The following PPFIBP1 variants were observed in gnomAD, a reference collection of about 807,000 sequenced individuals.
PPFIBP1 encodes PPFIB scaffold protein 1.
Under a neutral mutation model 137.8 loss-of-function variants are expected in PPFIBP1, and 112 were observed. The ratio of observed to expected loss-of-function variants is 0.81; its 90% CI spans 0.70 to 0.95. The LOEUF (loss-of-function observed/expected upper bound fraction) is 0.95, where lower values mean the gene tolerates loss of function less well. PPFIBP1 is among the 40% of genes least tolerant of loss of function. The pLI, the probability that PPFIBP1 is intolerant of heterozygous loss-of-function variation, is 0.00. For synonymous variants in PPFIBP1, 378 were observed against 417.3 expected (o/e 0.91, Z 1.15); for missense variants, 1,083 against 1,196.6 (o/e 0.91, Z 1.40).
At chr12:27,539,067 G>T (rs1211786055) in intron 1 of PPFIBP1, among the ~76,000 whole-genome samples, 1 of 152,222 alleles carries the variant, frequency 6.6e-6, no homozygotes, top group Non-Finnish European at 1.5e-5. Context: ...AGTATCAGTA[G>T]TGCTGAGGTT....
chr12:27,528,687 C>G (rs1944054494), intron 1 of PPFIBP1, among the ~76,000 whole-genome samples: 1 of 151,416 alleles, frequency 6.6e-6, no homozygotes, highest in Non-Finnish European at 1.5e-5. Flanking sequence ...TTTTTTTCCA[C>G]TTCAAAAAAA....
intron 4 of PPFIBP1, among the ~76,000 whole-genome samples, chr12:27,640,037 A>G (rs1160334349): frequency 6.6e-6 from 1 of 152,160 alleles, no homozygotes; most frequent in Non-Finnish European, 1.5e-5. Flanking sequence ...TGTGATCACA[A>G]TTATCTGAGT....
rs10677887 is a variant in PPFIBP1 at position 27,558,467 on chromosome 12, T to TACACACACACACAC, written c.-123-19670_-123-19657dup. Among the ~76,000 whole-genome samples the TACACACACACACAC allele has an allele frequency of 3.9e-4, 50 of 129,354 alleles. 1 individual carries two copies. Among genetic ancestry groups the TACACACACACACAC allele is most frequent in the South Asian group, 1.6e-3 (7 of 4,282 alleles). The allele number at this position is 129,354 out of a possible 152,430, so 84.9% of individuals were successfully genotyped here. ...CTATATGTAATTACACAGTATGTTA[T>TACACACACACACAC]ACACACACACACACACACACACACA... On this transcript the variant is annotated intron_variant, in intron 1 of 29. Coordinates refer to ENST00000228425, the MANE Select transcript of PPFIBP1 (RefSeq NM_003622.4).
intron 2 of PPFIBP1, among the ~76,000 whole-genome samples, chr12:27,623,879 A>G (rs2056568762): frequency 6.6e-6 from 1 of 152,142 alleles, no homozygotes; most frequent in Admixed American, 6.5e-5. Context: ...ATAGCTGCAC[A>G]CAGCAAGCAT....
At position 27,683,818 on chromosome 12, in the gene PPFIBP1, C is replaced by T. The variant is rs531749292; in HGVS notation, c.2247+1115C>T. Among the ~76,000 whole-genome samples the T allele has an allele frequency of 8.7e-4, 133 of 152,006 alleles. No homozygotes were observed. In the Middle Eastern group the frequency reaches 0.02, roughly 23 times the overall value. On this transcript the variant is annotated intron_variant, in intron 24 of 29. Transcript: ENST00000228425. The stretch of plus-strand genomic sequence containing the variant: ...TTTATTTTATTTTGAGACGGAGTCT[C>T]GCTCTGTCGCCCAGGCTGGAGTGCA...
rs1299450559 is a variant in PPFIBP1, at chr12:27,660,881, C to A, written c.845-3C>A. 2 of 1,613,026 alleles carry A rather than the reference C, an allele frequency of 1.2e-6. No homozygotes were observed. Among genetic ancestry groups the A allele is most frequent in the South Asian group, 2.2e-5 (2 of 90,914 alleles). Reference sequence around the variant, plus strand: ...CTGACTTCTGATTTGATGTTATTTTCAGACATCGAAGTACAAAAAATGAAA... The same window carrying A: ...CTGACTTCTGATTTGATGTTATTTTAAGACATCGAAGTACAAAAAATGAAA... On this transcript the variant is annotated splice_polypyrimidine_tract_variant and splice_region_variant and intron_variant, in intron 10 of 29. Coordinates refer to ENST00000228425, the MANE Select transcript of PPFIBP1 (RefSeq NM_003622.4).
chr12:27,692,960 C>T lies in PPFIBP1; in HGVS notation c.*78C>T. On this transcript the variant is annotated 3_prime_UTR_variant, in exon 30 of 30. Transcript: ENST00000228425. ...TTCCAAACACTCACAGTATATACAACAGGCAGCGGATTGTCTATTGTTTGT... is the reference window on the plus strand; with the variant it reads ...TTCCAAACACTCACAGTATATACAATAGGCAGCGGATTGTCTATTGTTTGT... 1 of 1,560,400 alleles carries T rather than the reference C, an allele frequency of 6.4e-7. No homozygotes were observed. The highest frequency in any genetic ancestry group is 1.4e-5 in the African/African-American group (1 of 73,754).
At chr12:27,536,384 T>G (rs1472625324) in intron 1 of PPFIBP1, among the ~76,000 whole-genome samples, 1 of 152,176 alleles carries the variant, frequency 6.6e-6, no homozygotes, top group Non-Finnish European at 1.5e-5. Context: ...TGAAGCATAG[T>G]GCCAGCATCT....
intron 1 of PPFIBP1, among the ~76,000 whole-genome samples, chr12:27,532,681 G>C (rs1256851366): frequency 6.6e-6 from 1 of 152,218 alleles, no homozygotes; most frequent in South Asian, 2.1e-4. Flanking sequence ...GTGGGGAGGA[G>C]ATTTTGAGGA....
At chr12:27,650,843 A>C (rs902299547) in intron 7 of PPFIBP1, among the ~76,000 whole-genome samples, 2 of 152,218 alleles carry the variant, frequency 1.3e-5, no homozygotes, top group Non-Finnish European at 2.9e-5. Context: ...ATGGAGACAG[A>C]GAGCATATCC....
chr12:27,692,310 CT>C (rs2061596657), intron 28 of PPFIBP1, among the ~76,000 whole-genome samples: 2 of 152,148 alleles, frequency 1.3e-5, no homozygotes. Context: ...TCTACCTAGC[CT>C]TTTCAGATTA....
intron 2 of PPFIBP1, among the ~76,000 whole-genome samples, chr12:27,602,870 G>T (rs2054142222): frequency 6.6e-6 from 1 of 152,134 alleles, no homozygotes; most frequent in Non-Finnish European, 1.5e-5. Context: ...TTTAGTTTTT[G>T]CAACAACCCT....
chr12:27,608,366 A>G (rs562147160), intron 2 of PPFIBP1, among the ~76,000 whole-genome samples: 7 of 152,340 alleles, frequency 4.6e-5, no homozygotes, highest in East Asian at 1.9e-4. Context: ...CAAATATTCG[A>G]GACATTAAAT....
intron 2 of PPFIBP1, chr12:27,593,638 C>G (rs1036828113): frequency 4.5e-5 from 22 of 489,076 alleles, no homozygotes; most frequent in Non-Finnish European, 8.4e-5. Context: ...AACTCTTGCA[C>G]AAGATTATTC....
chr12:27,578,809 G>A (rs1439244150), intron 2 of PPFIBP1, among the ~76,000 whole-genome samples: 1 of 152,154 alleles, frequency 6.6e-6, no homozygotes, highest in Non-Finnish European at 1.5e-5. Context: ...TGCTTGCCGT[G>A]TACCAGGCAT....
chr12:27,544,789 G>C (rs557292440), intron 1 of PPFIBP1, among the ~76,000 whole-genome samples: 1 of 152,158 alleles, frequency 6.6e-6, no homozygotes, highest in Non-Finnish European at 1.5e-5. Context: ...GTTGGTGGGA[G>C]TGTAAATTAG....
chr12:27,687,853 C>T (rs1197220461), intron 25 of PPFIBP1, among the ~76,000 whole-genome samples: 3 of 152,116 alleles, frequency 2.0e-5, no homozygotes, highest in African/African-American at 7.2e-5. Context: ...GAGGCCAAGG[C>T]AGAAGAATCA....
At chr12:27,535,764 C>T (rs758253135) in intron 1 of PPFIBP1, among the ~76,000 whole-genome samples, 7 of 152,138 alleles carry the variant, frequency 4.6e-5, no homozygotes, top group African/African-American at 7.2e-5. Context: ...AAGTTGTCGA[C>T]GCATATGTAT....
At chr12:27,576,770 A>G (rs116418856) in intron 1 of PPFIBP1, among the ~76,000 whole-genome samples, 321 of 152,296 alleles carry the variant, frequency 2.1e-3, no homozygotes, top group African/African-American at 7.1e-3. Context: ...TCTTTCATAA[A>G]CAGCTCAAGG....
Sources: gnomAD v4.1 joint callset for allele counts (sites outside exome capture counted in the v4.1 genomes callset) on GRCh38, gnomAD v4.1.1 for gene constraint, MANE v1.5 for transcripts, NCBI Gene and HGNC (gene_info 2026-07-23, HGNC 2026-07-21) for gene names.